Variants in SSU72 observed in about 807,000 individuals in gnomAD.
SSU72 encodes the protein RNA polymerase II subunit A C-terminal domain phosphatase SSU72.
SSU72 carries 12 observed loss-of-function variants against 22.7 expected under a neutral mutation model. The observed-to-expected ratio is 0.53, with a 90% CI of 0.34 to 0.86. SSU72 has a LOEUF of 0.86. Ranked by LOEUF, SSU72 falls within the 40% of genes least tolerant of loss-of-function variation. SSU72 has a pLI of 0.02. For missense variants in SSU72, 151 were observed against 249.8 expected, an observed-to-expected ratio of 0.60 and a Z score of 2.67; for synonymous variants, 116 against 98.3, an observed-to-expected ratio of 1.18 and a Z score of -1.06.
chr1:1,549,960 C>T (rs913895546), intron 2 of SSU72, among the ~76,000 whole-genome samples: 10 of 142,488 alleles, frequency 7.0e-5, no homozygotes, highest in South Asian at 2.3e-4. Flanking sequence ...GTGACAAGAG[C>T]GAGACTCTGT....
chr1:1,545,410 T>G, intron 2 of SSU72: 1 of 182,484 alleles, frequency 5.5e-6, no homozygotes, highest in Non-Finnish European at 1.2e-5. Context: ...CAGTGCATGC[T>G]GGCTCTGAAA....
chr1:1,553,349 G>A (rs1642476992), intron 2 of SSU72, among the ~76,000 whole-genome samples: 1 of 152,142 alleles, frequency 6.6e-6, no homozygotes, highest in African/African-American at 2.4e-5. Flanking sequence ...TAATAATACA[G>A]TAGTTGTTTT....
Position 1,572,876 on chromosome 1 carries a change from TTGGG to T in SSU72, c.80+1598_80+1601del, listed in dbSNP as rs985251747. ...TATTCCAATTAACAATAATTTTGTC[TTGGG>T]GGGGGGGGGGTGAGCCTTGCATTGT... On this transcript the variant is annotated intron_variant, in intron 1 of 4. Transcript: ENST00000291386. Among the ~76,000 whole-genome samples, 309 of 35,446 alleles carry T rather than the reference TTGGG, an allele frequency of 8.7e-3. 3 individuals carry two copies. The highest frequency in any genetic ancestry group is 0.025 in the African/African-American group (294 of 11,874). 23.3% of individuals were successfully genotyped at this position (35,446 alleles called of 152,430 possible). A position where few individuals can be genotyped will look rare whatever the true frequency, so the allele number is the denominator to read the frequency against.
At chr1:1,569,711 G>A (rs1373519319) in intron 1 of SSU72, among the ~76,000 whole-genome samples, 3 of 152,080 alleles carry the variant, frequency 2.0e-5, no homozygotes, top group African/African-American at 7.2e-5. Context: ...TCACTGTGTT[G>A]CCCAGGGCTC....
intron 2 of SSU72, among the ~76,000 whole-genome samples, chr1:1,549,360 A>C (rs1298682508): frequency 6.6e-6 from 1 of 151,676 alleles, no homozygotes; most frequent in Non-Finnish European, 1.5e-5. Context: ...TCTCTACTAA[A>C]AACACAAAAA....
Position 1,574,581 on chromosome 1 carries a change from C to G in SSU72, c.-24G>C. On this transcript the variant is annotated 5_prime_UTR_variant, in exon 1 of 5. Coordinates refer to ENST00000291386, the MANE Select transcript of SSU72 (RefSeq NM_014188.3). ...ATGGCGGCGGCCGCAAATCCCGCGG[C>G]TCTCCCGCTTGGGTTCCCACCCTAC... is the stretch of plus-strand genomic sequence containing the variant. The G allele has an allele frequency of 6.3e-7, 1 of 1,578,128 alleles. No homozygotes were observed. The highest frequency in any genetic ancestry group is 8.6e-7 in the Non-Finnish European group (1 of 1,165,502).
chr1:1,547,565 C>T (rs1642406122), intron 2 of SSU72, among the ~76,000 whole-genome samples: 1 of 152,234 alleles, frequency 6.6e-6, no homozygotes, highest in African/African-American at 2.4e-5. Flanking sequence ...ACCAAAGGGA[C>T]CACAGACCAA....
intron 1 of SSU72, among the ~76,000 whole-genome samples, chr1:1,567,629 C>A (rs1244928238): frequency 5.3e-5 from 8 of 152,112 alleles, no homozygotes; most frequent in Admixed American, 5.2e-4. Context: ...GACTTCCTTA[C>A]CAATTCAGAC....
chr1:1,544,418 G>C (rs1642367222), intron 3 of SSU72, among the ~76,000 whole-genome samples: 1 of 152,176 alleles, frequency 6.6e-6, no homozygotes, highest in African/African-American at 2.4e-5. Context: ...AGGAGTTCAA[G>C]ACCAGCCTGG....
rs148777511 is a variant in SSU72, at chr1:1,564,382, T to TCAGG, written c.224+387_224+390dup. ...GTGAAGCAGCCCGGCTCCATGTGTATCAGGCACGCACGCACACACGCACGC... is the reference window on the plus strand; with the variant it reads ...GTGAAGCAGCCCGGCTCCATGTGTATCAGGCAGGCACGCACGCACACACGCACGC... On this transcript the variant is annotated intron_variant, in intron 2 of 4. Transcript: ENST00000291386. 2.6e-4 allele frequency: 318 copies of TCAGG among 1,245,298 alleles called. No homozygotes were observed. The African/African-American group carries it at 4.2e-3, about 16-fold the overall frequency. 77.1% of individuals were successfully genotyped at this position (1,245,298 alleles called of 1,614,324 possible).
chr1:1,567,582 C>T (rs1642677223), intron 1 of SSU72, among the ~76,000 whole-genome samples: 1 of 152,096 alleles, frequency 6.6e-6, no homozygotes, highest in Admixed American at 6.6e-5. Context: ...CAAGGCATAC[C>T]ACAGGGAGCA....
chr1:1,567,821 G>A (rs908230060), intron 1 of SSU72, among the ~76,000 whole-genome samples: 3 of 151,102 alleles, frequency 2.0e-5, no homozygotes, highest in African/African-American at 4.9e-5. Flanking sequence ...GCTGAGGCAG[G>A]AGAATTGCGT....
Position 1,542,420 on chromosome 1 carries a change from G to A in SSU72, c.484-253C>T, listed in dbSNP as rs1007043037. ...AGGAGCTGGGAGGAGCCTGGAGCTGGATTCTGAGAGGGGCCCAGCACGGAG... is the reference window on the plus strand; with the variant it reads ...AGGAGCTGGGAGGAGCCTGGAGCTGAATTCTGAGAGGGGCCCAGCACGGAG... On this transcript the variant is annotated intron_variant, in intron 4 of 4. Coordinates refer to ENST00000291386, the MANE Select transcript of SSU72 (RefSeq NM_014188.3). This position sits in a 1 kb window ranked among gnomAD's most constrained non-coding sequence, Gnocchi z 4.4. 2.6e-5 allele frequency among the ~76,000 whole-genome samples: 4 copies of A among 152,176 alleles called. No homozygotes were observed. The highest frequency in any genetic ancestry group is 4.4e-5 in the Non-Finnish European group (3 of 68,038).
intron 1 of SSU72, among the ~76,000 whole-genome samples, chr1:1,565,718 C>A (rs1251613552): frequency 6.6e-6 from 1 of 152,282 alleles, no homozygotes; most frequent in Non-Finnish European, 1.5e-5. Flanking sequence ...CGCGATGGGT[C>A]CGACGGTGCT....
intron 1 of SSU72, among the ~76,000 whole-genome samples, chr1:1,573,909 C>G (rs1642771140): frequency 6.6e-6 from 1 of 151,810 alleles, no homozygotes; most frequent in Non-Finnish European, 1.5e-5. Context: ...ACGCAAGAGT[C>G]ACAGGCGGCC....
In SSU72 at chr1:1,541,943, G is replaced by A; in HGVS notation, c.*123C>T. 2.3e-6 allele frequency: 2 copies of A among 867,330 alleles called. No homozygotes were observed. Among genetic ancestry groups the A allele is most frequent in the Admixed American group, 4.9e-5 (2 of 40,826 alleles). 53.7% of individuals were successfully genotyped at this position (867,330 alleles called of 1,614,324 possible). A position where few individuals can be genotyped will look rare whatever the true frequency, so the allele number is the denominator to read the frequency against. On this transcript the variant is annotated 3_prime_UTR_variant, in exon 5 of 5. Transcript: ENST00000291386. Reference sequence around the variant, plus strand: ...TGGCATCTCCTCTCCCATTTCATATGCACAGTTTATTTGGGTAATGCTACC... The same window carrying A: ...TGGCATCTCCTCTCCCATTTCATATACACAGTTTATTTGGGTAATGCTACC...
Position 1,547,905 on chromosome 1 carries a change from G to T in SSU72, c.225-2903C>A, listed in dbSNP as rs538729401. Among the ~76,000 whole-genome samples, 5 of 152,350 alleles carry T rather than the reference G, an allele frequency of 3.3e-5. No individual in the cohort carries two copies. In the East Asian group the frequency reaches 5.8e-4, roughly 18 times the overall value. On this transcript the variant is annotated intron_variant, in intron 2 of 4. Transcript: ENST00000291386. ...ACACCTGCGCCGCCCAGGTCCTGCAGAAGTCCCACTGACGCAAAGCGTTCG... is the reference window on the plus strand; with the variant it reads ...ACACCTGCGCCGCCCAGGTCCTGCATAAGTCCCACTGACGCAAAGCGTTCG...
chr1:1,558,332 C>T (rs756645517), intron 2 of SSU72, among the ~76,000 whole-genome samples: 11 of 152,206 alleles, frequency 7.2e-5, no homozygotes, highest in Non-Finnish European at 1.6e-4. Context: ...AGCACCACTG[C>T]ATTGCAGCCC....
intron 3 of SSU72, among the ~76,000 whole-genome samples, chr1:1,544,438 T>C (rs1194068775): frequency 6.6e-6 from 1 of 151,908 alleles, no homozygotes; most frequent in African/African-American, 2.4e-5. Context: ...GCCAACATGG[T>C]GAAACCCCGT....
Sources: gnomAD v4.1 joint callset for allele counts (sites outside exome capture counted in the v4.1 genomes callset) on GRCh38, gnomAD v4.1.1 for gene constraint, Gnocchi (gnomAD v3.1) non-coding constraint, MANE v1.5 for transcripts, NCBI Gene and HGNC (gene_info 2026-07-23, HGNC 2026-07-21) for gene names.